The following AUTS2 variants were observed in gnomAD, a reference collection of about 807,000 sequenced individuals.
AUTS2 encodes autism susceptibility gene 2 protein.
In AUTS2, 17 loss-of-function variants were observed where a neutral mutation model predicts 112.4. That is an observed-to-expected ratio of 0.15 (90% CI 0.10 to 0.23). AUTS2 has a LOEUF of 0.23. Ranked by LOEUF, AUTS2 falls within the 10% of genes least tolerant of loss-of-function variation. The pLI is 1.00. For synonymous variants in AUTS2, 751 were observed against 702.7 expected (o/e 1.07, Z -1.09); for missense variants, 1,510 against 1,701.6 (o/e 0.89, Z 1.98).
intron 1 of AUTS2, among the ~76,000 whole-genome samples, chr7:69,774,938 C>T (rs184607811): frequency 1.3e-5 from 2 of 152,178 alleles, no homozygotes; most frequent in East Asian, 3.9e-4. Flanking sequence ...AATCTGTTAG[C>T]AATCTGTGTA....
At chr7:70,325,430 C>T (rs187949055) in intron 4 of AUTS2, among the ~76,000 whole-genome samples, 129 of 152,220 alleles carry the variant, frequency 8.5e-4, no homozygotes, top group Admixed American at 1.8e-3. Flanking sequence ...AATAGGAATT[C>T]GTACGAAGAG....
Position 69,978,490 on chromosome 7 carries a change from G to T in AUTS2, c.522+78992G>T, listed in dbSNP as rs150240641. On this transcript the variant is annotated intron_variant, in intron 2 of 18. Coordinates refer to ENST00000342771, the MANE Select transcript of AUTS2 (RefSeq NM_015570.4). ...ATACTGAATTAAGTGCAGGAAATCAGTACACTTTTTGTTTGATAAGAAGTG... is the reference window on the plus strand; with the variant it reads ...ATACTGAATTAAGTGCAGGAAATCATTACACTTTTTGTTTGATAAGAAGTG... Among the ~76,000 whole-genome samples, 104 of 152,220 alleles carry T rather than the reference G, an allele frequency of 6.8e-4. 1 individual carries two copies. The East Asian group carries it at 0.019, about 27-fold the overall frequency.
At chr7:70,561,555 G>T (rs181018869) in intron 5 of AUTS2, among the ~76,000 whole-genome samples, 5 of 152,314 alleles carry the variant, frequency 3.3e-5, no homozygotes, top group African/African-American at 7.2e-5. Flanking sequence ...GAGCCCAGGA[G>T]TTTGAGGCTG....
chr7:70,296,152 G>T (rs1197757932), intron 4 of AUTS2, among the ~76,000 whole-genome samples: 10 of 152,212 alleles, frequency 6.6e-5, no homozygotes, highest in Non-Finnish European at 1.3e-4. Flanking sequence ...CCCAAGGTCA[G>T]TTCTCTTTAG....
At chr7:70,512,975 G>A (rs144047681) in intron 5 of AUTS2, among the ~76,000 whole-genome samples, 9 of 152,256 alleles carry the variant, frequency 5.9e-5, no homozygotes, top group South Asian at 4.1e-4. Flanking sequence ...CTGAGAGCTC[G>A]CAATTTAGCT....
intron 2 of AUTS2, among the ~76,000 whole-genome samples, chr7:69,950,054 T>C (rs1796963929): frequency 6.6e-6 from 1 of 152,156 alleles, no homozygotes; most frequent in African/African-American, 2.4e-5. Context: ...CTACAAGAGA[T>C]CAATTGAATG....
intron 4 of AUTS2, among the ~76,000 whole-genome samples, chr7:70,163,738 G>A (rs1021281001): frequency 3.3e-5 from 5 of 152,100 alleles, no homozygotes; most frequent in Admixed American, 6.5e-5. Flanking sequence ...GGCAAAACTT[G>A]GCTTCCCCGT....
intron 6 of AUTS2, among the ~76,000 whole-genome samples, chr7:70,714,738 G>GT (rs1810261522): frequency 6.6e-6 from 1 of 152,136 alleles, no homozygotes; most frequent in Admixed American, 6.5e-5. Context: ...TCTGTCCCTC[G>GT]TATTTCCTGT....
intron 5 of AUTS2, among the ~76,000 whole-genome samples, chr7:70,520,265 G>A (rs987465071): frequency 6.6e-6 from 1 of 152,260 alleles, no homozygotes; most frequent in East Asian, 1.9e-4. Flanking sequence ...CAAGCTTAAA[G>A]TCCTGCATGA....
intron 2 of AUTS2, among the ~76,000 whole-genome samples, chr7:70,109,994 T>A (rs547950880): frequency 1.2e-4 from 18 of 152,332 alleles, no homozygotes; most frequent in African/African-American, 4.3e-4. Flanking sequence ...TTCACATTAT[T>A]AAATTATGAA....
chr7:70,699,724 A>G (rs903179639), intron 6 of AUTS2, among the ~76,000 whole-genome samples: 6 of 152,104 alleles, frequency 3.9e-5, no homozygotes, highest in Non-Finnish European at 8.8e-5. Context: ...TTTATATTTC[A>G]TCATATTTTC....
chr7:70,383,213 C>CACAT (rs1382631539), intron 4 of AUTS2, among the ~76,000 whole-genome samples: 1 of 151,948 alleles, frequency 6.6e-6, no homozygotes, highest in African/African-American at 2.4e-5. Context: ...AGGTGCTTAG[C>CACAT]ATGTGTTCTG....
intron 2 of AUTS2, among the ~76,000 whole-genome samples, chr7:70,068,288 C>T (rs1028880036): frequency 1.6e-4 from 24 of 151,716 alleles, no homozygotes; most frequent in African/African-American, 2.4e-5. Context: ...CACCATTCTC[C>T]TGCCTCAGCC....
intron 1 of AUTS2, among the ~76,000 whole-genome samples, chr7:69,772,182 T>A (rs1203677022): frequency 6.6e-6 from 1 of 152,216 alleles, no homozygotes; most frequent in Non-Finnish European, 1.5e-5. Flanking sequence ...CATCCAAAAT[T>A]GTTACCTTGT....
intron 4 of AUTS2, among the ~76,000 whole-genome samples, chr7:70,179,425 C>T (rs1809181083): frequency 6.6e-6 from 1 of 152,144 alleles, no homozygotes; most frequent in African/African-American, 2.4e-5. Flanking sequence ...ATTTTTAGCA[C>T]CTGCACATCA....
chr7:70,087,331 A>C (rs1413020478), intron 2 of AUTS2, among the ~76,000 whole-genome samples: 1 of 150,334 alleles, frequency 6.7e-6, no homozygotes, highest in Non-Finnish European at 1.5e-5. Flanking sequence ...AATTATTCGT[A>C]TATATATAGT....
intron 4 of AUTS2, among the ~76,000 whole-genome samples, chr7:70,417,911 G>C (rs2130607103): frequency 6.6e-6 from 1 of 152,278 alleles, no homozygotes; most frequent in South Asian, 2.1e-4. Flanking sequence ...CCTCACCACT[G>C]TTGTTTGGCC....
chr7:69,932,537 A>G (rs769863390), intron 2 of AUTS2, among the ~76,000 whole-genome samples: 1 of 152,206 alleles, frequency 6.6e-6, no homozygotes, highest in Non-Finnish European at 1.5e-5. Flanking sequence ...TGGCTAAGAT[A>G]TTGGAGAATT....
intron 2 of AUTS2, among the ~76,000 whole-genome samples, chr7:70,091,138 T>C (rs553931212): frequency 3.9e-5 from 6 of 152,340 alleles, no homozygotes; most frequent in African/African-American, 1.4e-4. Flanking sequence ...ACTGTAAAAA[T>C]GTTTCACAGT....
Sources: gnomAD v4.1 joint callset for allele counts (sites outside exome capture counted in the v4.1 genomes callset) on GRCh38, gnomAD v4.1.1 for gene constraint, MANE v1.5 for transcripts, NCBI Gene and HGNC (gene_info 2026-07-23, HGNC 2026-07-21) for gene names.